The following PIAS1 variants were observed in gnomAD, a reference collection of about 807,000 sequenced individuals.
The protein encoded by PIAS1 is protein inhibitor of activated STAT 1.
A neutral mutation model predicts 71.3 loss-of-function variants in PIAS1; 6 were observed. The observed-to-expected ratio is 0.08, with a 90% confidence interval of 0.05 to 0.17. The LOEUF (loss-of-function observed/expected upper bound fraction) is 0.17. Ranked by LOEUF, PIAS1 falls within the 10% of genes least tolerant of loss-of-function variation. The pLI is 1.00. For synonymous variants in PIAS1, 303 were observed against 292.9 expected, an observed-to-expected ratio of 1.03 and a Z score of -0.35; for missense variants, 555 against 793.6, an observed-to-expected ratio of 0.70 and a Z score of 3.61.
chr15:68,137,972 T>A (rs921978359), intron 2 of PIAS1, among the ~76,000 whole-genome samples: 1 of 152,024 alleles, frequency 6.6e-6, no homozygotes, highest in African/African-American at 2.4e-5. Flanking sequence ...CAATACCTCA[T>A]CTCTACAAAA....
Position 68,086,815 on chromosome 15 carries a change from C to A in PIAS1, c.469+65C>A. On this transcript the variant is annotated intron_variant, in intron 2 of 13. Transcript: ENST00000249636. The surrounding 1 kb of genome is among the most constrained non-coding windows in gnomAD (Gnocchi z 7.2). ...GATGAATTTTCGTTTTAGGCTTTTA[C>A]TTTGACCCAGTTTATTATTCATAAT... 1.1e-6 allele frequency: 1 copy of A among 897,330 alleles called. No individual in the cohort carries two copies. Among genetic ancestry groups the A allele is most frequent in the South Asian group, 1.6e-5 (1 of 61,156 alleles). The allele number at this position is 897,330 out of a possible 1,614,324, so 55.6% of individuals were successfully genotyped here. A position where few individuals can be genotyped will look rare whatever the true frequency, so the allele number is the denominator to read the frequency against.
At chr15:68,164,582 C>T (rs772801338) in intron 7 of PIAS1, 149 bp from the exon 8 acceptor site, 5 of 481,750 alleles carry the variant, frequency 1.0e-5, no homozygotes, top group Non-Finnish European at 1.8e-5. Flanking sequence ...AATTAAAAGC[C>T]ATATGGTTGT....
In PIAS1 at chr15:68,191,849, A is replaced by G. The variant is rs924605326; in HGVS notation, c.*4014A>G. ...GGTAGAGGTTTGAATCAAACACTTA[A>G]TAGGATCTTAGACTCTGGACCACTG... On this transcript the variant is annotated 3_prime_UTR_variant, in exon 14 of 14. Coordinates refer to ENST00000249636, the MANE Select transcript of PIAS1 (RefSeq NM_016166.3). 6.6e-6 allele frequency: 1 copy of G among 152,192 alleles called. No individual in the cohort carries two copies. 9.4% of individuals were successfully genotyped at this position (152,192 alleles called of 1,614,324 possible).
intron 2 of PIAS1, among the ~76,000 whole-genome samples, chr15:68,134,847 AC>A (rs1439827813): frequency 3.6e-5 from 1 of 28,154 alleles, no homozygotes; most frequent in African/African-American, 7.6e-5. Flanking sequence ...CGGGGGGCTG[AC>A]CCCCCCACCG....
At chr15:68,098,409 G>A (rs1187952078) in intron 2 of PIAS1, among the ~76,000 whole-genome samples, 1 of 150,546 alleles carries the variant, frequency 6.6e-6, no homozygotes, top group East Asian at 1.9e-4. Flanking sequence ...GGCTAAAGGG[G>A]AGGAGTAATA....
Position 68,086,071 on chromosome 15 carries a change from A to G in PIAS1, c.25-235A>G, listed in dbSNP as rs1464838378. Among the ~76,000 whole-genome samples, 2 of 152,300 alleles carry G rather than the reference A, an allele frequency of 1.3e-5. No homozygotes were observed. The highest frequency in any genetic ancestry group is 6.5e-5 in the Admixed American group (1 of 15,292). Reference sequence around the variant, plus strand: ...TTTTCCCTGGTGTATACTTTATCCTATATTTCTTATAACCAAGGGTAGAAG... The same window carrying G: ...TTTTCCCTGGTGTATACTTTATCCTGTATTTCTTATAACCAAGGGTAGAAG... On this transcript the variant is annotated intron_variant, in intron 1 of 13. Coordinates refer to ENST00000249636, the MANE Select transcript of PIAS1 (RefSeq NM_016166.3). The surrounding 1 kb of genome is among the most constrained non-coding windows in gnomAD (Gnocchi z 7.2).
In PIAS1 at chr15:68,142,356, G is replaced by A. The variant is rs777301582; in HGVS notation, c.602+19G>A. 6 of 1,556,928 alleles carry A rather than the reference G, an allele frequency of 3.9e-6. No homozygotes were observed. In the African/African-American group the frequency reaches 8.1e-5, roughly 21 times the overall value. ...AGTTAAGGTACAGTGCTGACTATAGGATATATTCAAAGTTTAAAAGATAAT... is the reference window on the plus strand; with the variant it reads ...AGTTAAGGTACAGTGCTGACTATAGAATATATTCAAAGTTTAAAAGATAAT... On this transcript the variant is annotated intron_variant, in intron 4 of 13. Transcript: ENST00000249636.
At chr15:68,065,216 T>C (rs2092004196) in intron 1 of PIAS1, among the ~76,000 whole-genome samples, 1 of 152,096 alleles carries the variant, frequency 6.6e-6, no homozygotes, top group African/African-American at 2.4e-5. Flanking sequence ...AAATTTAAAA[T>C]TTACAGTACA....
chr15:68,097,583 C>G (rs965511723), intron 2 of PIAS1, among the ~76,000 whole-genome samples: 5 of 152,122 alleles, frequency 3.3e-5, no homozygotes, highest in Admixed American at 6.5e-5. Context: ...CAGGCACGCA[C>G]CACCACGCCC....
At chr15:68,129,480 C>G (rs767113210) in intron 2 of PIAS1, among the ~76,000 whole-genome samples, 1 of 151,422 alleles carries the variant, frequency 6.6e-6, no homozygotes, top group Non-Finnish European at 1.5e-5. Context: ...TGTGAGTATA[C>G]TAAAACAAAG....
intron 6 of PIAS1, among the ~76,000 whole-genome samples, chr15:68,147,019 G>T (rs1343858059): frequency 6.6e-6 from 1 of 152,028 alleles, no homozygotes; most frequent in South Asian, 2.1e-4. Context: ...ACTATTGAGC[G>T]TGTTACTTGA....
At chr15:68,181,444 T>G (rs1211475759) in intron 12 of PIAS1, 90 bp downstream of exon 12, 9 of 1,316,552 alleles carry the variant, frequency 6.8e-6, no homozygotes, top group Middle Eastern at 1.8e-4. Context: ...AAGGAAGAAC[T>G]GGAAGACTGA....
At chr15:68,131,664 C>T (rs1442202217) in intron 2 of PIAS1, among the ~76,000 whole-genome samples, 2 of 152,096 alleles carry the variant, frequency 1.3e-5, no homozygotes, top group African/African-American at 4.8e-5. Flanking sequence ...TCATGTTTGT[C>T]ACAAATGACA....
At chr15:68,065,056 A>C (rs191031295) in intron 1 of PIAS1, among the ~76,000 whole-genome samples, 192 of 152,102 alleles carry the variant, frequency 1.3e-3, no homozygotes, top group African/African-American at 4.4e-3. Context: ...ATTTTTTTTT[A>C]AATGACAAAT....
At chr15:68,083,356 T>C (rs1457048607) in intron 1 of PIAS1, among the ~76,000 whole-genome samples, 2 of 152,164 alleles carry the variant, frequency 1.3e-5, no homozygotes, top group African/African-American at 4.8e-5. Context: ...TAAAAAATAC[T>C]GCATGCTTAT....
intron 2 of PIAS1, among the ~76,000 whole-genome samples, chr15:68,104,761 C>A (rs1190901330): frequency 1.3e-5 from 2 of 152,168 alleles, no homozygotes; most frequent in African/African-American, 4.8e-5. Context: ...CTAATTTAAT[C>A]ATTGCACATT....
chr15:68,118,561 C>CT (rs1427335028), intron 2 of PIAS1, among the ~76,000 whole-genome samples: 2 of 149,640 alleles, frequency 1.3e-5, no homozygotes, highest in African/African-American at 5.1e-5. Context: ...AAGCTGGTCT[C>CT]TAACTCCTCG....
intron 2 of PIAS1, among the ~76,000 whole-genome samples, chr15:68,091,605 T>C (rs535365523): frequency 5.6e-4 from 85 of 152,212 alleles, no homozygotes; most frequent in Admixed American, 1.0e-3. Context: ...CAGAGAGCTT[T>C]GCATTCATTT....
At chr15:68,062,378 T>A (rs1443664957) in intron 1 of PIAS1, among the ~76,000 whole-genome samples, 1 of 152,180 alleles carries the variant, frequency 6.6e-6, no homozygotes, top group African/African-American at 2.4e-5. Context: ...AAAATTAACA[T>A]ATCCCATTAC....
Sources: gnomAD v4.1 joint callset for allele counts (sites outside exome capture counted in the v4.1 genomes callset) on GRCh38, gnomAD v4.1.1 for gene constraint, Gnocchi (gnomAD v3.1) non-coding constraint, MANE v1.5 for transcripts, NCBI Gene and HGNC (gene_info 2026-07-23, HGNC 2026-07-21) for gene names.